Variants in GLIS3 observed in about 807,000 individuals in gnomAD.
GLIS3 encodes GLIS family zinc finger 3.
Under a neutral mutation model 78.6 loss-of-function variants are expected in GLIS3, and 53 were observed. That is an observed-to-expected ratio of 0.67 (90% confidence interval 0.54 to 0.85). GLIS3 has a LOEUF of 0.85. Among genes scored for constraint, GLIS3 ranks in the 40% least tolerant of loss-of-function variants. The pLI is 0.00. For synonymous variants in GLIS3, 684 were observed against 509.9 expected, an observed-to-expected ratio of 1.34 and a Z score of -4.60; for missense variants, 1,703 against 1,231.1, an observed-to-expected ratio of 1.38 and a Z score of -5.74.
chr9:4,431,191 C>T, the GLIS3 span, among the ~76,000 whole-genome samples: 2 of 152,122 alleles, frequency 1.3e-5, no homozygotes, highest in Non-Finnish European at 2.9e-5. Flanking sequence ...TTAGAATTTC[C>T]CTTATCCTCT....
At chr9:4,379,741 C>T in the GLIS3 span, among the ~76,000 whole-genome samples, 1 of 152,168 alleles carries the variant, frequency 6.6e-6, no homozygotes, top group Non-Finnish European at 1.5e-5. Context: ...TTCGCAGTGT[C>T]CCTAGCAATG....
At chr9:4,460,331 C>T in the GLIS3 span, among the ~76,000 whole-genome samples, 11 of 152,268 alleles carry the variant, frequency 7.2e-5, no homozygotes, top group East Asian at 1.9e-3. Context: ...TCCAGTTTCA[C>T]AGAACTGATG....
intron 2 of GLIS3, among the ~76,000 whole-genome samples, chr9:4,333,378 G>A (rs1018948365): frequency 2.6e-4 from 39 of 151,836 alleles, no homozygotes; most frequent in African/African-American, 8.7e-4. Flanking sequence ...GGGAAGAAAG[G>A]AAGGGAGAGA....
intron 2 of GLIS3, among the ~76,000 whole-genome samples, chr9:4,159,716 T>C (rs920527455): frequency 5.9e-5 from 7 of 117,796 alleles, no homozygotes; most frequent in African/African-American, 1.9e-4. Context: ...GAGACTCCAT[T>C]TCAAAAGAAA....
intron 4 of GLIS3, among the ~76,000 whole-genome samples, chr9:4,033,199 A>G (rs1823999583): frequency 6.6e-6 from 1 of 152,102 alleles, no homozygotes; most frequent in Non-Finnish European, 1.5e-5. Context: ...CCAGAATGGC[A>G]CAGTGCTGGA....
At chr9:3,950,087 A>G (rs1219895796) in intron 4 of GLIS3, among the ~76,000 whole-genome samples, 4 of 152,140 alleles carry the variant, frequency 2.6e-5, no homozygotes, top group African/African-American at 4.8e-5. Context: ...CAAAGCCTAC[A>G]AGTCATTTTT....
intron 4 of GLIS3, among the ~76,000 whole-genome samples, chr9:4,050,572 T>G (rs1825679966): frequency 6.6e-6 from 1 of 152,126 alleles, no homozygotes; most frequent in African/African-American, 2.4e-5. Context: ...CTTGTGCACA[T>G]GTACTCTAGA....
At chr9:4,358,736 TTA>T in the GLIS3 span, among the ~76,000 whole-genome samples, 1 of 152,226 alleles carries the variant, frequency 6.6e-6, no homozygotes, top group Non-Finnish European at 1.5e-5. Context: ...ACATATGTGT[TTA>T]TGTGTGTACA....
intron 4 of GLIS3, among the ~76,000 whole-genome samples, chr9:3,972,661 G>T (rs901595298): frequency 2.0e-5 from 3 of 152,118 alleles, no homozygotes; most frequent in African/African-American, 7.2e-5. Flanking sequence ...ATGAAATGTG[G>T]TGGGCACAAA....
chr9:4,114,251 GCA>G (rs1564067649), intron 4 of GLIS3, among the ~76,000 whole-genome samples: 1 of 152,128 alleles, frequency 6.6e-6, no homozygotes, highest in East Asian at 1.9e-4. Context: ...CCCAACCATT[GCA>G]CAGTCTTCAA....
chr9:4,043,353 C>A (rs969421304), intron 4 of GLIS3, among the ~76,000 whole-genome samples: 1 of 151,994 alleles, frequency 6.6e-6, no homozygotes, highest in African/African-American at 2.4e-5. Context: ...GTGAGGTACA[C>A]TGAGTTTTTT....
the GLIS3 span, among the ~76,000 whole-genome samples, chr9:4,405,193 A>G: frequency 6.6e-6 from 1 of 152,038 alleles, no homozygotes; most frequent in Non-Finnish European, 1.5e-5. Flanking sequence ...CATCTCTACT[A>G]AAAATACAAA....
At chr9:4,268,725 C>G (rs1563866913) in intron 2 of GLIS3, among the ~76,000 whole-genome samples, 1 of 152,170 alleles carries the variant, frequency 6.6e-6, no homozygotes, top group Non-Finnish European at 1.5e-5. Context: ...GGAACCCACA[C>G]TTGTTGATTT....
chr9:4,256,497 T>G (rs963518567), intron 2 of GLIS3, among the ~76,000 whole-genome samples: 1 of 152,180 alleles, frequency 6.6e-6, no homozygotes, highest in African/African-American at 2.4e-5. Flanking sequence ...CCGGTAAAAT[T>G]GAAGTTTGGT....
chr9:4,184,358 T>C (rs1817583087), intron 2 of GLIS3, among the ~76,000 whole-genome samples: 1 of 152,178 alleles, frequency 6.6e-6, no homozygotes, highest in African/African-American at 2.4e-5. Context: ...TAAAAGAAAA[T>C]ATCATGCAGC....
At chr9:4,257,086 T>C (rs1018222150) in intron 2 of GLIS3, among the ~76,000 whole-genome samples, 10 of 152,214 alleles carry the variant, frequency 6.6e-5, no homozygotes, top group African/African-American at 2.4e-4. Flanking sequence ...TACATATGTA[T>C]GCATATATGT....
At chr9:4,367,551 T>C in the GLIS3 span, among the ~76,000 whole-genome samples, 1 of 149,304 alleles carries the variant, frequency 6.7e-6, no homozygotes, top group African/African-American at 2.5e-5. Flanking sequence ...TCTCTGTAGC[T>C]TGAACCCGGA....
At chr9:4,403,636 TGTTAA>T in the GLIS3 span, among the ~76,000 whole-genome samples, 3 of 152,306 alleles carry the variant, frequency 2.0e-5, no homozygotes, top group Non-Finnish European at 2.9e-5. Flanking sequence ...GGATATACAG[TGTTAA>T]GTTGTCATCA....
intron 2 of GLIS3, among the ~76,000 whole-genome samples, chr9:4,229,538 C>A (rs866114660): frequency 6.6e-6 from 1 of 152,098 alleles, no homozygotes; most frequent in Non-Finnish European, 1.5e-5. Context: ...TATCCTTAAA[C>A]GTAAAGTATT....
Sources: gnomAD v4.1 joint callset for allele counts (sites outside exome capture counted in the v4.1 genomes callset) on GRCh38, gnomAD v4.1.1 for gene constraint, MANE v1.5 for transcripts, NCBI Gene and HGNC (gene_info 2026-07-23, HGNC 2026-07-21) for gene names.